Variants in SCML4 observed in about 807,000 individuals in gnomAD.
SCML4 encodes the protein sex comb on midleg-like protein 4.
In SCML4, 34 loss-of-function variants were observed where a neutral mutation model predicts 41.1. The ratio of observed to expected loss-of-function variants is 0.83; its 90% CI spans 0.63 to 1.10. SCML4 has a LOEUF of 1.10. Ranked by LOEUF, SCML4 falls within the 50% of genes least tolerant of loss-of-function variation. SCML4 has a pLI of 0.00. For synonymous variants in SCML4, 214 were observed against 220.9 expected, an observed-to-expected ratio of 0.97 and a Z score of 0.28; for missense variants, 522 against 534.1, an observed-to-expected ratio of 0.98 and a Z score of 0.22.
intron 5 of SCML4, among the ~76,000 whole-genome samples, chr6:107,723,215 G>C (rs1354400067): frequency 6.6e-6 from 1 of 152,160 alleles, no homozygotes; most frequent in Non-Finnish European, 1.5e-5. Flanking sequence ...TTTATCATAA[G>C]TTAAAAATAT....
intron 2 of SCML4, among the ~76,000 whole-genome samples, chr6:107,762,787 G>T (rs1440563415): frequency 6.6e-6 from 1 of 151,602 alleles, no homozygotes; most frequent in Non-Finnish European, 1.5e-5. Context: ...TGAACTTGTG[G>T]CTTCCAAAAC....
intron 2 of SCML4, among the ~76,000 whole-genome samples, chr6:107,762,479 T>C (rs1278559443): frequency 6.6e-6 from 1 of 152,224 alleles, no homozygotes; most frequent in Non-Finnish European, 1.5e-5. Flanking sequence ...CATATTGAAA[T>C]CTCAACTCTC....
At chr6:107,818,915 A>G (rs1032652861) in intron 1 of SCML4, among the ~76,000 whole-genome samples, 4 of 152,216 alleles carry the variant, frequency 2.6e-5, no homozygotes, top group Non-Finnish European at 5.9e-5. Flanking sequence ...GACACCAGGG[A>G]AAAACATACT....
chr6:107,802,676 C>G (rs1278002230), intron 1 of SCML4, among the ~76,000 whole-genome samples: 1 of 2,624 alleles, frequency 3.8e-4, no homozygotes, highest in Non-Finnish European at 9.8e-3. Context: ...TCTCCCTCCT[C>G]TCCCTCTCCC....
upstream of SCML4, among the ~76,000 whole-genome samples, chr6:107,827,472 T>C (rs1785299036): frequency 6.6e-6 from 1 of 151,924 alleles, no homozygotes; most frequent in South Asian, 2.1e-4. Context: ...CTTAAATCAA[T>C]ATTTTAAAAA....
Position 107,702,662 on chromosome 6 carries a change from C to T in SCML4, c.*2538G>A, listed in dbSNP as rs1773278345. ...TGTTTTGAGGGAAATGTATCTAACT[C>T]TAAACCAGCAGTGAGCACTTACGAT... On this transcript the variant is annotated 3_prime_UTR_variant, in exon 8 of 8. Coordinates refer to ENST00000369020, the MANE Select transcript of SCML4 (RefSeq NM_198081.5). 1.3e-5 allele frequency among the ~76,000 whole-genome samples: 2 copies of T among 152,190 alleles called. No homozygotes were observed.
chr6:107,724,030 A>T (rs946052051), intron 5 of SCML4, among the ~76,000 whole-genome samples: 1 of 152,188 alleles, frequency 6.6e-6, no homozygotes, highest in Non-Finnish European at 1.5e-5. Flanking sequence ...AATGTAATAC[A>T]CCATATGGAT....
intron 6 of SCML4, among the ~76,000 whole-genome samples, chr6:107,709,633 G>A (rs1329955621): frequency 6.6e-6 from 1 of 152,178 alleles, no homozygotes; most frequent in Non-Finnish European, 1.5e-5. Context: ...TGTTCCACCT[G>A]ATGCCTTCGT....
In SCML4 at chr6:107,720,913, A is replaced by G; in HGVS notation, c.763T>C (p.Phe255Leu). 6.2e-7 allele frequency: 1 copy of G among 1,614,150 alleles called. No homozygotes were observed. Among genetic ancestry groups the G allele is most frequent in the Non-Finnish European group, 8.5e-7 (1 of 1,180,020 alleles). ...RYSVDTSASTFNHRGSLHPSS... is the reference protein window; with the variant it reads ...RYSVDTSASTLNHRGSLHPSS... ...GGGTGCAAGGAGCCCCTGTGGTTAA[A>G]GGTGGAGGCGGAGGTGTCCACGCTG... The change falls in exon 6 of 8, where the codon TTT (phenylalanine) becomes CTT (leucine). Residue 255 changes from phenylalanine to leucine, a missense_variant. Coordinates refer to ENST00000369020, the MANE Select transcript of SCML4 (RefSeq NM_198081.5).
At chr6:107,781,156 G>T (rs1259048301) in intron 1 of SCML4, among the ~76,000 whole-genome samples, 2 of 151,624 alleles carry the variant, frequency 1.3e-5, no homozygotes, top group African/African-American at 2.4e-5. Context: ...AGAGTTTAAG[G>T]CCAGCTGGAC....
In SCML4 at chr6:107,760,961, G is replaced by A. The variant is rs546365563; in HGVS notation, c.157-11148C>T. On this transcript the variant is annotated intron_variant, in intron 2 of 7. Transcript: ENST00000369020. ...TGGGAAACACAGTAACTAAAATTAA[G>A]AAGTAAATGGATAGACTTAACAGCA... Among the ~76,000 whole-genome samples, 190 of 152,222 alleles carry A rather than the reference G, an allele frequency of 1.2e-3. 1 individual carries two copies. The highest frequency in any genetic ancestry group is 4.5e-3 in the African/African-American group (187 of 41,558).
At chr6:107,739,034 G>T (rs1031564610) in intron 5 of SCML4, among the ~76,000 whole-genome samples, 4 of 152,132 alleles carry the variant, frequency 2.6e-5, no homozygotes, top group African/African-American at 9.7e-5. Context: ...AACTCCACCT[G>T]ACTCCCAAGG....
At chr6:107,806,638 C>A (rs1360551247) in intron 1 of SCML4, among the ~76,000 whole-genome samples, 1 of 152,236 alleles carries the variant, frequency 6.6e-6, no homozygotes, top group Admixed American at 6.5e-5. Flanking sequence ...ACAGAAGTGG[C>A]TGGCTTTGAG....
chr6:107,724,606 CATT>C (rs1327895613), intron 5 of SCML4, among the ~76,000 whole-genome samples: 5 of 151,826 alleles, frequency 3.3e-5, no homozygotes, highest in Non-Finnish European at 7.4e-5. Flanking sequence ...AACTACAAAA[CATT>C]GTTGAAAGAA....
At chr6:107,760,894 AC>A (rs34520547) in intron 2 of SCML4, among the ~76,000 whole-genome samples, 110,857 of 151,972 alleles carry the variant, frequency 0.73, 41,918 homozygotes, top group East Asian at 0.9. Context: ...GATTTAAAAA[AC>A]ACAGTAAATT....
chr6:107,813,800 TTGTC>T (rs1381229761), intron 1 of SCML4, among the ~76,000 whole-genome samples: 10 of 152,226 alleles, frequency 6.6e-5, no homozygotes, highest in African/African-American at 2.4e-4. Flanking sequence ...CCTGGGCAGT[TTGTC>T]TGTGGTCAGT....
At chr6:107,767,586 T>G (rs565840229) in intron 2 of SCML4, among the ~76,000 whole-genome samples, 3 of 152,220 alleles carry the variant, frequency 2.0e-5, no homozygotes, top group Non-Finnish European at 4.4e-5. Context: ...TTTACCCATA[T>G]TAATTAGAAA....
At chr6:107,803,552 T>C (rs71556490) in intron 1 of SCML4, among the ~76,000 whole-genome samples, 10,555 of 144,018 alleles carry the variant, frequency 0.073, 289 homozygotes, top group East Asian at 0.091. Context: ...GGAGGTGTAC[T>C]CAACAGCTCA....
the SCML4 span, among the ~76,000 whole-genome samples, chr6:107,832,836 C>T: frequency 6.6e-6 from 1 of 152,172 alleles, no homozygotes; most frequent in Non-Finnish European, 1.5e-5. Context: ...TGACCTCCTG[C>T]CCTCTCAGAT....
Sources: allele counts gnomAD v4.1 joint callset (sites outside exome capture counted in the v4.1 genomes callset), GRCh38; gene constraint gnomAD v4.1.1; transcripts MANE v1.5; gene names NCBI Gene and HGNC (gene_info 2026-07-23, HGNC 2026-07-21).